Variants in LGSN observed in about 807,000 individuals in gnomAD.
LGSN encodes the protein lengsin, lens protein with glutamine synthetase domain, also known as lengsin.
In LGSN, 21 loss-of-function variants were observed where a neutral mutation model predicts 19.5. The observed-to-expected ratio is 1.07, with a 90% CI of 0.76 to 1.55. The LOEUF (loss-of-function observed/expected upper bound fraction) is 1.55, where lower values mean the gene tolerates loss of function less well. Ranked by LOEUF, LGSN falls within the 40% of genes most tolerant of loss-of-function variation. The pLI is 0.00. For missense variants in LGSN, 673 were observed against 608.5 expected, an observed-to-expected ratio of 1.11 and a Z score of -1.12; for synonymous variants, 257 against 215.6, an observed-to-expected ratio of 1.19 and a Z score of -1.68.
the LGSN span, among the ~76,000 whole-genome samples, chr6:63,419,821 G>A: frequency 7.1e-6 from 1 of 140,942 alleles, no homozygotes; most frequent in South Asian, 2.3e-4. Context: ...CAGGGGGGCA[G>A]AGGTTGCAGT....
At chr6:63,454,470 C>CTTTTTTTTTT in the LGSN span, among the ~76,000 whole-genome samples, 1 of 118,652 alleles carries the variant, frequency 8.4e-6, no homozygotes, top group Non-Finnish European at 1.7e-5. Context: ...TTTACATTTT[C>CTTTTTTTTTT]TTTTTTTTTT....
At chr6:63,381,245 C>A in the LGSN span, among the ~76,000 whole-genome samples, 16 of 152,146 alleles carry the variant, frequency 1.1e-4, no homozygotes, top group African/African-American at 3.9e-4. Flanking sequence ...CTTATGATGC[C>A]AAATAAAACA....
At chr6:63,495,508 G>A in the LGSN span, among the ~76,000 whole-genome samples, 2 of 134,418 alleles carry the variant, frequency 1.5e-5, no homozygotes, top group Non-Finnish European at 3.1e-5. Flanking sequence ...GCACAGGCTG[G>A]AGTGCAGTGG....
the LGSN span, among the ~76,000 whole-genome samples, chr6:63,460,180 G>A: frequency 9.7e-5 from 12 of 124,074 alleles, no homozygotes; most frequent in African/African-American, 3.4e-4. Flanking sequence ...GCCTGGTCTC[G>A]AACTCCTGAC....
At chr6:63,561,850 T>C in the LGSN span, among the ~76,000 whole-genome samples, 1 of 152,326 alleles carries the variant, frequency 6.6e-6, no homozygotes, top group African/African-American at 2.4e-5. Context: ...AAAGTGATTA[T>C]AAAGTTTTTG....
At chr6:63,507,218 C>T in the LGSN span, among the ~76,000 whole-genome samples, 7 of 152,146 alleles carry the variant, frequency 4.6e-5, no homozygotes, top group African/African-American at 1.7e-4. Flanking sequence ...TTTCCACTAT[C>T]GCTAATGTAC....
chr6:63,561,435 T>C, the LGSN span, among the ~76,000 whole-genome samples: 9 of 152,228 alleles, frequency 5.9e-5, no homozygotes, highest in Admixed American at 5.2e-4. Flanking sequence ...ACAGATTCAA[T>C]GCCTCTTCCC....
chr6:63,474,058 C>A, the LGSN span, among the ~76,000 whole-genome samples: 1 of 151,850 alleles, frequency 6.6e-6, no homozygotes, highest in East Asian at 1.9e-4. Flanking sequence ...TATCCCAAAT[C>A]CAGCTTTCCA....
At chr6:63,471,054 C>T in the LGSN span, among the ~76,000 whole-genome samples, 1 of 150,636 alleles carries the variant, frequency 6.6e-6, no homozygotes, top group South Asian at 2.1e-4. Context: ...GATTCTCCTA[C>T]CTCAGCCTCC....
chr6:63,544,234 A>G, the LGSN span, among the ~76,000 whole-genome samples: 1 of 152,220 alleles, frequency 6.6e-6, no homozygotes, highest in Non-Finnish European at 1.5e-5. Context: ...GAAAAGATGC[A>G]AGAAAAATAT....
intron 2 of LGSN, among the ~76,000 whole-genome samples, chr6:63,287,272 A>G (rs1767576625): frequency 6.6e-6 from 1 of 152,236 alleles, no homozygotes; most frequent in South Asian, 2.1e-4. Flanking sequence ...ACAAACAATT[A>G]AACTGTAGCA....
At chr6:63,534,368 T>C in the LGSN span, among the ~76,000 whole-genome samples, 2 of 152,014 alleles carry the variant, frequency 1.3e-5, no homozygotes, top group African/African-American at 2.4e-5. Flanking sequence ...TCTGAGGACA[T>C]TTGAATACAG....
At chr6:63,352,719 A>G in the LGSN span, among the ~76,000 whole-genome samples, 1 of 151,836 alleles carries the variant, frequency 6.6e-6, no homozygotes. Context: ...ACACAGTTTT[A>G]TTTGTGGGTT....
At chr6:63,336,553 G>GTATATATATATATA in the LGSN span, among the ~76,000 whole-genome samples, 1 of 140,504 alleles carries the variant, frequency 7.1e-6, no homozygotes, top group African/African-American at 2.9e-5. Context: ...GTGTGTGTGT[G>GTATATATATATATA]TGTGTGTGTA....
the LGSN span, among the ~76,000 whole-genome samples, chr6:63,570,786 C>A: frequency 1.3e-5 from 2 of 152,262 alleles, no homozygotes; most frequent in South Asian, 4.1e-4. Flanking sequence ...ATTGGCCAAG[C>A]TTTTTATATT....
the LGSN span, among the ~76,000 whole-genome samples, chr6:63,470,933 C>CTTTTTTTTTTTTTTTTTTTTT: frequency 1.4e-5 from 1 of 73,066 alleles, no homozygotes; most frequent in Non-Finnish European, 2.6e-5. Flanking sequence ...TTCAGTCTTT[C>CTTTTTTTTTTTTTTTTTTTTT]TTTTTTTTTT....
chr6:63,452,443 C>T, the LGSN span, among the ~76,000 whole-genome samples: 1 of 152,060 alleles, frequency 6.6e-6, no homozygotes, highest in East Asian at 1.9e-4. Flanking sequence ...AAAAATTTTT[C>T]ACTGTGACTT....
chr6:63,360,850 C>G, the LGSN span, among the ~76,000 whole-genome samples: 1 of 152,138 alleles, frequency 6.6e-6, no homozygotes, highest in Non-Finnish European at 1.5e-5. Flanking sequence ...GATGTCCTTT[C>G]TGTTTGTTAA....
the LGSN span, among the ~76,000 whole-genome samples, chr6:63,383,768 AATC>A: frequency 6.6e-6 from 1 of 152,244 alleles, no homozygotes; most frequent in South Asian, 2.1e-4. Flanking sequence ...TAATCCTCCA[AATC>A]TGTGAAATAA....
Sources: allele counts gnomAD v4.1 joint callset (sites outside exome capture counted in the v4.1 genomes callset), GRCh38; gene constraint gnomAD v4.1.1; transcripts MANE v1.5; gene names NCBI Gene and HGNC (gene_info 2026-07-23, HGNC 2026-07-21).